Variants in REEP3 observed in about 807,000 individuals in gnomAD.
REEP3 encodes receptor accessory protein 3.
A neutral mutation model predicts 41.3 loss-of-function variants in REEP3; 20 were observed. The ratio of observed to expected loss-of-function variants is 0.48; its 90% CI spans 0.34 to 0.70. The LOEUF (loss-of-function observed/expected upper bound fraction) is 0.70, where lower values mean the gene tolerates loss of function less well. REEP3 is among the 30% of genes least tolerant of loss of function. The probability of loss-of-function intolerance (pLI) is 0.01; values close to 1 mark genes in which losing one functional copy is unlikely to be tolerated. For missense variants in REEP3, 271 were observed against 308.8 expected (o/e 0.88, Z 0.92); for synonymous variants, 104 against 101.8 (o/e 1.02, Z -0.13).
chr10:63,618,237 CTTTTTTTTTTT>C (rs60115766), intron 6 of REEP3, among the ~76,000 whole-genome samples: 1 of 66,576 alleles, frequency 1.5e-5, no homozygotes. Flanking sequence ...TTTCCTTCTT[CTTTTTTTTTTT>C]TTTTTTTTTT....
chr10:63,524,288 T>A (rs368885413), intron 1 of REEP3, among the ~76,000 whole-genome samples: 2 of 151,990 alleles, frequency 1.3e-5, no homozygotes, highest in Non-Finnish European at 2.9e-5. Context: ...GACAACCACC[T>A]CCTCCTGAGC....
At chr10:63,599,004 A>G (rs1956146435) in intron 4 of REEP3, among the ~76,000 whole-genome samples, 166 bp from the exon 5 acceptor site, 1 of 152,184 alleles carries the variant, frequency 6.6e-6, no homozygotes. Context: ...CCTAGGCAAA[A>G]GGAAGAGACC....
intron 2 of REEP3, among the ~76,000 whole-genome samples, chr10:63,579,218 A>C (rs890931623): frequency 2.6e-5 from 4 of 152,006 alleles, no homozygotes; most frequent in Admixed American, 6.6e-5. Context: ...CTTAGTAGAG[A>C]TGGGGTTTCA....
intron 2 of REEP3, among the ~76,000 whole-genome samples, chr10:63,581,190 G>A (rs1955950886): frequency 6.6e-6 from 1 of 151,920 alleles, no homozygotes; most frequent in Admixed American, 6.6e-5. Flanking sequence ...AAAATATAGT[G>A]CTTTACCAAC....
At chr10:63,525,263 G>T (rs1955350957) in intron 1 of REEP3, among the ~76,000 whole-genome samples, 1 of 152,068 alleles carries the variant, frequency 6.6e-6, no homozygotes, top group Non-Finnish European at 1.5e-5. Flanking sequence ...TATAGACCTT[G>T]GTTCTATTTC....
At chr10:63,524,202 C>A (rs1199184606) in intron 1 of REEP3, among the ~76,000 whole-genome samples, 4 of 137,072 alleles carry the variant, frequency 2.9e-5, no homozygotes, top group African/African-American at 8.2e-5. Context: ...AAAGAGCAAT[C>A]ACAGGATCTA....
intron 1 of REEP3, among the ~76,000 whole-genome samples, chr10:63,526,951 C>T (rs1454676860): frequency 6.6e-6 from 1 of 152,072 alleles, no homozygotes; most frequent in Admixed American, 6.6e-5. Context: ...AAATTAGATA[C>T]TACAGATATT....
intron 1 of REEP3, among the ~76,000 whole-genome samples, chr10:63,523,547 G>A (rs1434774970): frequency 6.6e-6 from 1 of 152,104 alleles, no homozygotes; most frequent in Non-Finnish European, 1.5e-5. Context: ...GAGGTAGGAG[G>A]ATCGCTCAAA....
At chr10:63,584,133 G>A (rs146752145) in intron 2 of REEP3, among the ~76,000 whole-genome samples, 3 of 152,098 alleles carry the variant, frequency 2.0e-5, no homozygotes, top group East Asian at 1.9e-4. Context: ...ATATACAGTC[G>A]GCCCCATTTT....
intron 1 of REEP3, among the ~76,000 whole-genome samples, chr10:63,557,408 A>G (rs1428788624): frequency 6.6e-6 from 1 of 152,218 alleles, no homozygotes; most frequent in African/African-American, 2.4e-5. Context: ...TTATATGTAT[A>G]ACTTATCTTA....
rs1352639720 is a variant in REEP3 at position 63,546,995 on chromosome 10, C to T, written c.33-19343C>T. ...GGAGTGCAGTGGTGCAATCTCAGCT[C>T]ACTACAACCTCCGCCTCTCAGTTTC... On this transcript the variant is annotated intron_variant, in intron 1 of 7. Transcript: ENST00000373758. Among the ~76,000 whole-genome samples, 14 of 141,464 alleles carry T rather than the reference C, an allele frequency of 9.9e-5. 1 individual carries two copies. In the Admixed American group the frequency reaches 1.1e-3, roughly 11 times the overall value. 92.8% of individuals were successfully genotyped at this position (141,464 alleles called of 152,430 possible). A position where few individuals can be genotyped will look rare whatever the true frequency, so the allele number is the denominator to read the frequency against.
At chr10:63,554,676 AT>A (rs552294658) in intron 1 of REEP3, among the ~76,000 whole-genome samples, 88 of 152,198 alleles carry the variant, frequency 5.8e-4, no homozygotes, top group Non-Finnish European at 1.2e-3. Flanking sequence ...TCGCCTATGA[AT>A]TTTCTGTGTG....
intron 3 of REEP3, among the ~76,000 whole-genome samples, chr10:63,595,365 C>T: frequency 6.6e-6 from 1 of 152,220 alleles, no homozygotes; most frequent in East Asian, 1.9e-4. Flanking sequence ...TTTATATCCT[C>T]AGGGATTTGA....
intron 1 of REEP3, among the ~76,000 whole-genome samples, chr10:63,561,848 A>C (rs1955742855): frequency 6.6e-6 from 1 of 152,240 alleles, no homozygotes. Context: ...CCATCAGTGA[A>C]AGAAGTGAAG....
At chr10:63,557,488 T>C (rs1955700293) in intron 1 of REEP3, among the ~76,000 whole-genome samples, 1 of 151,972 alleles carries the variant, frequency 6.6e-6, no homozygotes, top group African/African-American at 2.4e-5. Context: ...AAATGGGAGG[T>C]TTTTGCTTAG....
chr10:63,559,708 C>T (rs1955723095), intron 1 of REEP3, among the ~76,000 whole-genome samples: 1 of 152,246 alleles, frequency 6.6e-6, no homozygotes, highest in Admixed American at 6.5e-5. Context: ...AAATAACACC[C>T]ATCTCTAGTT....
At chr10:63,602,293 C>T (rs1384508465) in intron 5 of REEP3, among the ~76,000 whole-genome samples, 1 of 152,142 alleles carries the variant, frequency 6.6e-6, no homozygotes, top group African/African-American at 2.4e-5. Flanking sequence ...CTAAAATCCT[C>T]ATTTGTTACA....
At chr10:63,532,828 C>A (rs966499227) in intron 1 of REEP3, among the ~76,000 whole-genome samples, 6 of 151,958 alleles carry the variant, frequency 3.9e-5, no homozygotes, top group Non-Finnish European at 7.4e-5. Flanking sequence ...TCCCTTGAGC[C>A]CAGGAGGTAA....
At chr10:63,562,302 G>A (rs1955748483) in intron 1 of REEP3, among the ~76,000 whole-genome samples, 2 of 151,546 alleles carry the variant, frequency 1.3e-5, no homozygotes, top group African/African-American at 4.8e-5. Context: ...TGTCGCCCAG[G>A]CTGGAGTGCC....
Sources: allele counts gnomAD v4.1 joint callset (sites outside exome capture counted in the v4.1 genomes callset), GRCh38; gene constraint gnomAD v4.1.1; transcripts MANE v1.5; gene names NCBI Gene and HGNC (gene_info 2026-07-23, HGNC 2026-07-21).